The following KHDRBS2 variants were observed in gnomAD, a reference collection of about 807,000 sequenced individuals.
KHDRBS2 encodes the protein KH RNA binding domain containing, signal transduction associated 2.
KHDRBS2 carries 26 observed loss-of-function variants against 44.3 expected under a neutral mutation model. The ratio of observed to expected loss-of-function variants is 0.59; its 90% confidence interval spans 0.43 to 0.81. KHDRBS2 has a LOEUF of 0.81. Among genes scored for constraint, KHDRBS2 ranks in the 40% least tolerant of loss-of-function variants. KHDRBS2 has a pLI of 0.00. For synonymous variants in KHDRBS2, 194 were observed against 151.1 expected (o/e 1.28, Z -2.08); for missense variants, 476 against 433.1 (o/e 1.10, Z -0.88).
intron 2 of KHDRBS2, among the ~76,000 whole-genome samples, chr6:62,088,631 T>A (rs1002650550): frequency 5.0e-4 from 76 of 152,104 alleles, no homozygotes; most frequent in African/African-American, 1.7e-3. Flanking sequence ...GTATGAGCTT[T>A]CTGTAGACCA....
intron 6 of KHDRBS2, among the ~76,000 whole-genome samples, chr6:61,776,840 T>C (rs572964161): frequency 1.3e-5 from 2 of 152,274 alleles, no homozygotes; most frequent in African/African-American, 2.4e-5. Flanking sequence ...CATGCACACG[T>C]ATGTTTATAG....
intron 2 of KHDRBS2, among the ~76,000 whole-genome samples, chr6:62,066,723 C>T (rs1356667427): frequency 6.6e-6 from 1 of 151,506 alleles, no homozygotes; most frequent in Non-Finnish European, 1.5e-5. Flanking sequence ...AGGCAGTTTT[C>T]TAGGGGACAT....
At chr6:61,928,843 C>T (rs1809466422) in intron 4 of KHDRBS2, among the ~76,000 whole-genome samples, 2 of 151,948 alleles carry the variant, frequency 1.3e-5, no homozygotes, top group Admixed American at 1.3e-4. Flanking sequence ...TTTTATGATG[C>T]TTTAGAAACA....
chr6:62,156,696 CT>C (rs1254872474), intron 2 of KHDRBS2, among the ~76,000 whole-genome samples: 6 of 151,906 alleles, frequency 3.9e-5, no homozygotes, highest in Admixed American at 3.9e-4. Context: ...GTCTCTCAGG[CT>C]GGAGTGCAGT....
intron 2 of KHDRBS2, among the ~76,000 whole-genome samples, chr6:62,154,644 A>G (rs559632548): frequency 1.9e-4 from 29 of 152,302 alleles, no homozygotes; most frequent in Non-Finnish European, 3.7e-4. Context: ...AAGGGAATGA[A>G]TGATTCATGG....
the KHDRBS2 span, among the ~76,000 whole-genome samples, chr6:61,558,649 G>T: frequency 6.6e-6 from 1 of 152,092 alleles, no homozygotes; most frequent in Non-Finnish European, 1.5e-5. Context: ...AATTTTTCAA[G>T]TTTCTCCTTA....
intron 1 of KHDRBS2, among the ~76,000 whole-genome samples, chr6:62,284,361 A>G (rs914342351): frequency 5.3e-5 from 8 of 152,154 alleles, no homozygotes; most frequent in Non-Finnish European, 7.4e-5. Context: ...AAAATTCTGG[A>G]AAATATATTG....
intron 4 of KHDRBS2, among the ~76,000 whole-genome samples, chr6:61,925,547 C>T (rs1382742412): frequency 6.6e-6 from 1 of 151,972 alleles, no homozygotes; most frequent in African/African-American, 2.4e-5. Flanking sequence ...GAGACCTTGT[C>T]TCTAACAAAA....
chr6:62,176,259 T>C (rs772624856), intron 2 of KHDRBS2, among the ~76,000 whole-genome samples: 19 of 151,422 alleles, frequency 1.3e-4, no homozygotes, highest in Non-Finnish European at 1.2e-4. Context: ...CAATAGAGTC[T>C]AGCTCAAAAA....
rs1814236128 is a variant in KHDRBS2 at position 62,147,676 on chromosome 6, A to G, written c.219+29509T>C. 5.3e-5 allele frequency among the ~76,000 whole-genome samples: 8 copies of G among 152,124 alleles called. No homozygotes were observed. In the South Asian group the frequency reaches 1.7e-3, roughly 32 times the overall value. Reference sequence around the variant, plus strand: ...GAAAATGTGCCCTTGAATAATCTGGAAAGTCCAGTGGCTGGAGGAGATAAT... The same window carrying G: ...GAAAATGTGCCCTTGAATAATCTGGGAAGTCCAGTGGCTGGAGGAGATAAT... On this transcript the variant is annotated intron_variant, in intron 2 of 8. Coordinates refer to ENST00000281156, the MANE Select transcript of KHDRBS2 (RefSeq NM_152688.4).
intron 6 of KHDRBS2, among the ~76,000 whole-genome samples, chr6:61,845,622 G>T (rs534570021): frequency 2.0e-5 from 3 of 152,122 alleles, no homozygotes; most frequent in Non-Finnish European, 4.4e-5. Context: ...GAGGGATACA[G>T]TTCTTCATGT....
chr6:61,664,380 T>A, the KHDRBS2 span, among the ~76,000 whole-genome samples: 2 of 151,710 alleles, frequency 1.3e-5, no homozygotes, highest in East Asian at 3.9e-4. Context: ...CTGGGAAAAT[T>A]AGTTAACAAT....
intron 6 of KHDRBS2, among the ~76,000 whole-genome samples, chr6:61,800,469 G>C (rs1441504361): frequency 1.3e-5 from 2 of 152,218 alleles, no homozygotes; most frequent in South Asian, 2.1e-4. Flanking sequence ...GTGTCTCAGA[G>C]TTATCATGTC....
chr6:61,596,408 C>T, the KHDRBS2 span, among the ~76,000 whole-genome samples: 1 of 152,070 alleles, frequency 6.6e-6, no homozygotes, highest in Non-Finnish European at 1.5e-5. Context: ...GCTGTATTTA[C>T]CAAAGATTAT....
At chr6:61,663,667 T>C in the KHDRBS2 span, among the ~76,000 whole-genome samples, 1 of 150,084 alleles carries the variant, frequency 6.7e-6, no homozygotes, top group South Asian at 2.1e-4. Context: ...TAAGACCTTA[T>C]TGTTTTCCAC....
At chr6:62,264,056 A>C (rs1427773773) in intron 1 of KHDRBS2, among the ~76,000 whole-genome samples, 12 of 151,730 alleles carry the variant, frequency 7.9e-5, no homozygotes, top group Admixed American at 7.9e-4. Flanking sequence ...ATTATTTCTC[A>C]TTTGACGTCA....
the KHDRBS2 span, among the ~76,000 whole-genome samples, chr6:61,673,115 A>G: frequency 5.3e-5 from 8 of 151,804 alleles, no homozygotes; most frequent in East Asian, 1.6e-3. Context: ...TCCTTCCCCC[A>G]TTGCTTGTTT....
intron 3 of KHDRBS2, among the ~76,000 whole-genome samples, chr6:62,007,734 G>A (rs1286924530): frequency 6.6e-6 from 1 of 151,962 alleles, no homozygotes; most frequent in Non-Finnish European, 1.5e-5. Flanking sequence ...TAGATGTATA[G>A]TCAACGAGGA....
the KHDRBS2 span, among the ~76,000 whole-genome samples, chr6:61,658,012 T>TA: frequency 4.6e-5 from 7 of 151,976 alleles, no homozygotes; most frequent in East Asian, 1.4e-3. Flanking sequence ...ATAAAGCAAA[T>TA]AAATCCAAAT....
Sources: gnomAD v4.1 joint callset for allele counts (sites outside exome capture counted in the v4.1 genomes callset) on GRCh38, gnomAD v4.1.1 for gene constraint, MANE v1.5 for transcripts, NCBI Gene and HGNC (gene_info 2026-07-23, HGNC 2026-07-21) for gene names.